The following DMTN variants were observed in gnomAD, a reference collection of about 807,000 sequenced individuals.
The protein encoded by DMTN is dematin.
Under a neutral mutation model 59.4 loss-of-function variants are expected in DMTN, and 27 were observed. That is an observed-to-expected ratio of 0.45 (90% CI 0.33 to 0.63). The LOEUF (loss-of-function observed/expected upper bound fraction) is 0.63. DMTN is among the 20% of genes least tolerant of loss of function. The pLI is 0.02. For missense variants in DMTN, 451 were observed against 528.9 expected, an observed-to-expected ratio of 0.85 and a Z score of 1.45; for synonymous variants, 221 against 203.7, an observed-to-expected ratio of 1.08 and a Z score of -0.72.
At chr8:22,075,080 A>C (rs538487192) in intron 10 of DMTN, among the ~76,000 whole-genome samples, 1 of 151,084 alleles carries the variant, frequency 6.6e-6, no homozygotes, top group Non-Finnish European at 1.5e-5. Flanking sequence ...CCAGCTACTC[A>C]GGAGGCCGAG....
At chr8:22,081,293 T>G in intron 15 of DMTN, 57 bp from the exon 16 acceptor site, 1 of 1,587,914 alleles carries the variant, frequency 6.3e-7, no homozygotes, top group Non-Finnish European at 8.6e-7. Flanking sequence ...GTCCCCTAGG[T>G]CACTGGGCAC....
chr8:22,060,931 A>ACTCGTAC lies in DMTN; in HGVS notation c.-172+3799_-172+3800insTACCTCG, dbSNP rs1805880934. ...CAACTTCTTCATGTGCAAACGAGGTACTCGCCAATCCAAGCCAACCCACAA... is the reference window on the plus strand; with the variant it reads ...CAACTTCTTCATGTGCAAACGAGGTACTCGTACCTCGCCAATCCAAGCCAACCCACAA... On this transcript the variant is annotated intron_variant, in intron 1 of 15. Transcript: ENST00000358242. This position sits in a 1 kb window ranked among gnomAD's most constrained non-coding sequence, Gnocchi z 5.0. 1.3e-5 allele frequency among the ~76,000 whole-genome samples: 2 copies of ACTCGTAC among 152,184 alleles called. No homozygotes were observed. The highest frequency in any genetic ancestry group is 4.1e-4 in the South Asian group (2 of 4,830).
intron 1 of DMTN, among the ~76,000 whole-genome samples, chr8:22,064,133 AATGGATGGATGGATAGAAGGATGG>A (rs1808616397): frequency 1.3e-5 from 2 of 151,882 alleles, no homozygotes; most frequent in South Asian, 2.1e-4. Flanking sequence ...TAGATGCAGG[AATGGATGGATGGATAGAAGGATGG>A]ATGGATGGAT....
At chr8:22,079,265 A>ATATAT (rs1822177121) in intron 10 of DMTN, among the ~76,000 whole-genome samples, 9 of 19,620 alleles carry the variant, frequency 4.6e-4, no homozygotes, top group African/African-American at 1.1e-3. Flanking sequence ...AAAATAAATA[A>ATATAT]ATAAATAAAT....
intron 1 of DMTN, among the ~76,000 whole-genome samples, chr8:22,063,236 T>C (rs1807956034): frequency 6.6e-6 from 1 of 152,172 alleles, no homozygotes; most frequent in Admixed American, 6.5e-5. Flanking sequence ...AGTCCTGCTT[T>C]GCACATTCTG....
At chr8:22,062,015 C>T (rs942605598) in intron 1 of DMTN, among the ~76,000 whole-genome samples, 2 of 152,126 alleles carry the variant, frequency 1.3e-5, no homozygotes, top group South Asian at 2.1e-4. Flanking sequence ...CCTTGGCCCC[C>T]GAAGTGTTGG....
upstream of DMTN, among the ~76,000 whole-genome samples, chr8:22,056,545 A>C (rs1802662266): frequency 7.2e-6 from 1 of 139,524 alleles, no homozygotes; most frequent in Admixed American, 6.8e-5. Context: ...GAGGAGGCTG[A>C]GGGGCTCTGG....
chr8:22,080,962 TGAA>T, intron 14 of DMTN, 92 bp downstream of exon 14: 1 of 1,498,576 alleles, frequency 6.7e-7, no homozygotes, highest in South Asian at 1.3e-5. Flanking sequence ...TTCCTGGTGT[TGAA>T]GATGGGAGGG....
chr8:22,071,468 C>T (rs907383794), intron 8 of DMTN, among the ~76,000 whole-genome samples: 1 of 152,012 alleles, frequency 6.6e-6, no homozygotes, highest in African/African-American at 2.4e-5. Flanking sequence ...GATCTCGGCT[C>T]ACTGCAACTT....
chr8:22,079,301 T>TC, intron 10 of DMTN, among the ~76,000 whole-genome samples: 1 of 84,930 alleles, frequency 1.2e-5, no homozygotes, highest in East Asian at 3.2e-4. Flanking sequence ...TATATATATA[T>TC]TAGCTGGGTT....
At position 22,081,733 on chromosome 8, in the gene DMTN, C is replaced by T; in HGVS notation, c.*270C>T. ...TGGCACACAGAGTTCATGTTTGCGC[C>T]CTCTCCCTGCCCCTCACCCCAGAGG... is the stretch of plus-strand genomic sequence containing the variant. On this transcript the variant is annotated 3_prime_UTR_variant, in exon 16 of 16. Transcript: ENST00000358242. The T allele has an allele frequency of 1.8e-6, 1 of 553,950 alleles. No individual in the cohort carries two copies. The highest frequency in any genetic ancestry group is 3.4e-6 in the Non-Finnish European group (1 of 297,754). The allele number at this position is 553,950 out of a possible 1,614,324, so 34.3% of individuals were successfully genotyped here. A position where few individuals can be genotyped will look rare whatever the true frequency, so the allele number is the denominator to read the frequency against.
chr8:22,082,070 C>A lies in DMTN; in HGVS notation c.*607C>A, dbSNP rs1188325417. The A allele has an allele frequency of 8.8e-6, 4 of 456,662 alleles. No individual in the cohort carries two copies. The highest frequency in any genetic ancestry group is 6.2e-5 in the South Asian group (4 of 64,576). The allele number at this position is 456,662 out of a possible 1,614,324, so 28.3% of individuals were successfully genotyped here. Reference sequence around the variant, plus strand: ...TCCAGCCCTGCGGCTTCCCCAGAAGCCTGGGCTTAGGGTGGAGATGCCGCC... The same window carrying A: ...TCCAGCCCTGCGGCTTCCCCAGAAGACTGGGCTTAGGGTGGAGATGCCGCC... On this transcript the variant is annotated 3_prime_UTR_variant, in exon 16 of 16. Transcript: ENST00000358242.
In DMTN at chr8:22,080,223, T is replaced by C. The variant is rs139013587; in HGVS notation, c.879T>C (p.Tyr293=). 546 of 1,614,230 alleles carry C rather than the reference T, an allele frequency of 3.4e-4. 1 individual carries two copies. The highest frequency in any genetic ancestry group is 4.3e-4 in the Non-Finnish European group (511 of 1,180,036). ...GTSKSSSLPA[Y]GRTTLSRLQS... ...CTAAATCTTCCTCTCTCCCCGCCTA[T>C]GGCAGGACCACCCTGAGCCGGGTAA... Residue 293 remains tyrosine (Y), a synonymous_variant, in exon 11 of 16, where the codon TAT becomes TAC. Coordinates refer to ENST00000358242, the MANE Select transcript of DMTN (RefSeq NM_001387751.1).
upstream of DMTN, chr8:22,049,200 G>T (rs1014993061): frequency 2.0e-5 from 3 of 150,584 alleles, no homozygotes; most frequent in Non-Finnish European, 4.5e-5. Flanking sequence ...GAGCCTCCTC[G>T]GGCAGCGAGA....
intron 1 of DMTN, among the ~76,000 whole-genome samples, chr8:22,064,432 A>G (rs754646504): frequency 1.3e-5 from 2 of 152,064 alleles, no homozygotes; most frequent in Non-Finnish European, 2.9e-5. Flanking sequence ...TTCCATGGGC[A>G]CCAACACCTT....
chr8:22,066,781 C>T lies in DMTN; in HGVS notation c.-95C>T, dbSNP rs1287224366. 3.7e-6 allele frequency: 5 copies of T among 1,334,192 alleles called. No individual in the cohort carries two copies. Among genetic ancestry groups the T allele is most frequent in the Non-Finnish European group, 4.9e-6 (5 of 1,025,136 alleles). 82.6% of individuals were successfully genotyped at this position (1,334,192 alleles called of 1,614,324 possible). ...CCAGCTGCTTTCGCGGCCCCAAGCG[C>T]GCAGCGCCCAGCAGCCGCGCCGAGC... On this transcript the variant is annotated 5_prime_UTR_variant, in exon 2 of 16. Coordinates refer to ENST00000358242, the MANE Select transcript of DMTN (RefSeq NM_001387751.1).
intron 10 of DMTN, among the ~76,000 whole-genome samples, chr8:22,079,950 C>A (rs566987883): frequency 3.3e-5 from 5 of 152,288 alleles, no homozygotes; most frequent in Admixed American, 2.6e-4. Context: ...TGGGCCACTT[C>A]TAGCTGGAGA....
chr8:22,057,699 T>TC (rs1287808383), intron 1 of DMTN, among the ~76,000 whole-genome samples: 1 of 152,064 alleles, frequency 6.6e-6, no homozygotes, highest in South Asian at 2.1e-4. Flanking sequence ...AGCCCAGTAC[T>TC]CCCCCTGTGC....
upstream of DMTN, among the ~76,000 whole-genome samples, chr8:22,051,540 A>G (rs1801354565): frequency 6.6e-6 from 1 of 151,686 alleles, no homozygotes; most frequent in Admixed American, 6.6e-5. Flanking sequence ...CTTAAGCCAC[A>G]CCCCACCCCC....
Sources: gnomAD v4.1 joint callset for allele counts (sites outside exome capture counted in the v4.1 genomes callset) on GRCh38, gnomAD v4.1.1 for gene constraint, Gnocchi (gnomAD v3.1) non-coding constraint, MANE v1.5 for transcripts, NCBI Gene and HGNC (gene_info 2026-07-23, HGNC 2026-07-21) for gene names.